The following DLG2 variants were observed in gnomAD, a reference collection of about 807,000 sequenced individuals.
The protein encoded by DLG2 is disks large homolog 2.
DLG2 carries 45 observed loss-of-function variants against 132.5 expected under a neutral mutation model. The ratio of observed to expected loss-of-function variants is 0.34; its 90% CI spans 0.27 to 0.44. The LOEUF is 0.44. Ranked by LOEUF, DLG2 falls within the 20% of genes least tolerant of loss-of-function variation. The pLI, the probability that DLG2 is intolerant of heterozygous loss-of-function variation, is 1.00. For synonymous variants in DLG2, 424 were observed against 419.6 expected (o/e 1.01, Z -0.13); for missense variants, 1,045 against 1,196.9 (o/e 0.87, Z 1.87).
At chr11:83,504,032 G>A (rs1186708489) in intron 21 of DLG2, among the ~76,000 whole-genome samples, 2 of 152,182 alleles carry the variant, frequency 1.3e-5, no homozygotes, top group African/African-American at 4.8e-5. Flanking sequence ...CTATGCTGAT[G>A]TGAGGTCAAT....
chr11:83,795,068 T>A (rs2153912809), intron 17 of DLG2, among the ~76,000 whole-genome samples: 1 of 152,304 alleles, frequency 6.6e-6, no homozygotes, highest in African/African-American at 2.4e-5. Context: ...CAATTTCATT[T>A]ATTGCTACCT....
chr11:84,717,381 A>G (rs2061349636), intron 6 of DLG2, among the ~76,000 whole-genome samples: 1 of 151,936 alleles, frequency 6.6e-6, no homozygotes, highest in African/African-American at 2.4e-5. Flanking sequence ...CTTATTTTAT[A>G]TTTTTTTCTT....
rs750571965 is a variant in DLG2 at position 85,003,293 on chromosome 11, T to C, written c.357+108368A>G. ...AATTTCTGGGAGAATTGAATTGTTA[T>C]ATGGCACACACCGATGACATCCCAT... On this transcript the variant is annotated intron_variant, in intron 6 of 27. Transcript: ENST00000376104. 3.3e-5 allele frequency among the ~76,000 whole-genome samples: 5 copies of C among 152,276 alleles called. No individual in the cohort carries two copies. The South Asian group carries it at 8.3e-4, about 25-fold the overall frequency.
rs150811112 is a variant in DLG2 at position 83,528,883 on chromosome 11, A to G, written c.2193+3825T>C. ...GCACTCGGTGTTATTGCAATCAATG[A>G]AGAGTTCTGGAAAAGTAACTCAAGC... On this transcript the variant is annotated intron_variant, in intron 21 of 27. Transcript: ENST00000376104. Among the ~76,000 whole-genome samples, 63 of 152,284 alleles carry G rather than the reference A, an allele frequency of 4.1e-4. 1 individual carries two copies. The highest frequency in any genetic ancestry group is 1.5e-3 in the African/African-American group (62 of 41,580).
intron 6 of DLG2, among the ~76,000 whole-genome samples, chr11:84,742,475 G>A (rs376736197): frequency 1.2e-4 from 18 of 152,182 alleles, no homozygotes; most frequent in African/African-American, 2.9e-4. Context: ...CCTTACAGGC[G>A]TTTTTCAAAA....
intron 18 of DLG2, among the ~76,000 whole-genome samples, chr11:83,747,727 T>C (rs1480614453): frequency 6.6e-6 from 1 of 152,024 alleles, no homozygotes; most frequent in East Asian, 1.9e-4. Flanking sequence ...ATTTAGTTTT[T>C]ATGGTTGTAT....
At chr11:83,853,451 G>A (rs778268336) in intron 16 of DLG2, among the ~76,000 whole-genome samples, 3 of 152,162 alleles carry the variant, frequency 2.0e-5, no homozygotes, top group Non-Finnish European at 2.9e-5. Flanking sequence ...GGGCTCCACT[G>A]TGGCTAGGAT....
chr11:84,203,990 T>C (rs911210624), intron 8 of DLG2, among the ~76,000 whole-genome samples: 7 of 152,256 alleles, frequency 4.6e-5, no homozygotes, highest in Non-Finnish European at 7.4e-5. Context: ...GGAGTTTTGC[T>C]CTTGTTGCCC....
At chr11:84,394,194 C>A (rs1251238542) in intron 7 of DLG2, among the ~76,000 whole-genome samples, 1 of 152,066 alleles carries the variant, frequency 6.6e-6, no homozygotes, top group Non-Finnish European at 1.5e-5. Context: ...TTTAACCACA[C>A]AAAGCAATGT....
chr11:84,494,585 G>C (rs1603228464), intron 7 of DLG2, among the ~76,000 whole-genome samples: 1 of 152,124 alleles, frequency 6.6e-6, no homozygotes, highest in Non-Finnish European at 1.5e-5. Context: ...ATCTGTGTGA[G>C]CAAAATTCCA....
At chr11:84,102,156 TC>T (rs1489866122) in intron 9 of DLG2, among the ~76,000 whole-genome samples, 2 of 152,144 alleles carry the variant, frequency 1.3e-5, no homozygotes, top group Non-Finnish European at 2.9e-5. Flanking sequence ...ACCCAACCCT[TC>T]TCTAGATAGA....
intron 14 of DLG2, among the ~76,000 whole-genome samples, chr11:83,939,635 G>A (rs546510399): frequency 3.3e-5 from 5 of 152,052 alleles, no homozygotes; most frequent in Non-Finnish European, 7.4e-5. Flanking sequence ...TCGGAGGCTC[G>A]AGGATGATTG....
intron 3 of DLG2, among the ~76,000 whole-genome samples, chr11:85,582,174 T>G (rs148721228): frequency 4.2e-4 from 64 of 152,136 alleles, no homozygotes; most frequent in African/African-American, 1.5e-3. Context: ...TATTCTAAGT[T>G]TGGTGAGGTA....
At chr11:84,066,890 C>T (rs373966653) in intron 10 of DLG2, among the ~76,000 whole-genome samples, 5 of 152,166 alleles carry the variant, frequency 3.3e-5, no homozygotes, top group African/African-American at 9.7e-5. Flanking sequence ...CAGTAGTATT[C>T]TCTTTCTTCA....
At chr11:84,823,120 T>G (rs906332871) in intron 6 of DLG2, among the ~76,000 whole-genome samples, 1 of 151,816 alleles carries the variant, frequency 6.6e-6, no homozygotes, top group Non-Finnish European at 1.5e-5. Context: ...TTAAAGGTGT[T>G]CAATAAACAC....
chr11:85,576,836 TA>T (rs1358617161), intron 3 of DLG2, among the ~76,000 whole-genome samples: 1 of 151,366 alleles, frequency 6.6e-6, no homozygotes, highest in African/African-American at 2.4e-5. Context: ...GAAAAAAGAG[TA>T]ACGGGAGAAG....
chr11:84,742,067 A>C (rs2064754000), intron 6 of DLG2, among the ~76,000 whole-genome samples: 1 of 152,088 alleles, frequency 6.6e-6, no homozygotes, highest in South Asian at 2.1e-4. Flanking sequence ...GACCAAGCAG[A>C]AGAAACATTT....
At chr11:84,164,141 G>C (rs1368750793) in intron 8 of DLG2, among the ~76,000 whole-genome samples, 1 of 152,134 alleles carries the variant, frequency 6.6e-6, no homozygotes, top group East Asian at 1.9e-4. Flanking sequence ...GTGACGAATT[G>C]TTTCAACCAT....
At chr11:84,094,841 G>T (rs2097144566) in intron 10 of DLG2, among the ~76,000 whole-genome samples, 1 of 152,104 alleles carries the variant, frequency 6.6e-6, no homozygotes, top group Non-Finnish European at 1.5e-5. Flanking sequence ...TAATGTAAAG[G>T]TACATTTTAA....
Sources: gnomAD v4.1 joint callset for allele counts (sites outside exome capture counted in the v4.1 genomes callset) on GRCh38, gnomAD v4.1.1 for gene constraint, MANE v1.5 for transcripts, NCBI Gene and HGNC (gene_info 2026-07-23, HGNC 2026-07-21) for gene names.